The following PROSER2 variants were observed in gnomAD, a reference collection of about 807,000 sequenced individuals.
The protein encoded by PROSER2 is proline and serine-rich protein 2.
A neutral mutation model predicts 14.6 loss-of-function variants in PROSER2; 18 were observed. That is an observed-to-expected ratio of 1.23 (90% CI 0.85 to 1.83). The LOEUF (loss-of-function observed/expected upper bound fraction) is 1.83. PROSER2 is among the 40% of genes most tolerant of loss of function. The pLI is 0.00. For synonymous variants in PROSER2, 367 were observed against 286.4 expected, an observed-to-expected ratio of 1.28 and a Z score of -2.84; for missense variants, 823 against 629.8, an observed-to-expected ratio of 1.31 and a Z score of -3.28.
Position 11,837,333 on chromosome 10 carries a change from G to A in PROSER2, c.-82+13863G>A, listed in dbSNP as rs74116458. ...TTAGTTTTGCTGTCACACTTCATAC[G>A]TTCAAGTTATGACCACTGTGTGACA... On this transcript the variant is annotated intron_variant, in intron 1 of 3. Transcript: ENST00000277570. The surrounding 1 kb of genome is among the most constrained non-coding windows in gnomAD (Gnocchi z 4.6). Among the ~76,000 whole-genome samples, 2,226 of 152,294 alleles carry A rather than the reference G, an allele frequency of 0.015. 45 individuals carry two copies. Among genetic ancestry groups the A allele is most frequent in the African/African-American group, 0.051 (2,107 of 41,548 alleles).
chr10:11,870,169 C>T lies in PROSER2; in HGVS notation c.1071C>T (p.Ser357=). The change falls in exon 4 of 4, where the codon AGC becomes AGT. Residue 357 remains serine, a synonymous_variant. Transcript: ENST00000277570. ...ACGAGGCCCTGAAGAGCGCACCCAG[C>T]TCCTTCGCGCCCGCTGGGAAGTCCC... is the stretch of plus-strand genomic sequence containing the variant. ...SAHEALKSAP[S]SFAPAGKSLC... 8 of 1,477,102 alleles carry T rather than the reference C, an allele frequency of 5.4e-6. No homozygotes were observed. Among genetic ancestry groups the T allele is most frequent in the Non-Finnish European group, 7.1e-6 (8 of 1,121,088 alleles). The allele number at this position is 1,477,102 out of a possible 1,614,324, so 91.5% of individuals were successfully genotyped here. A position where few individuals can be genotyped will look rare whatever the true frequency, so the allele number is the denominator to read the frequency against.
intron 2 of PROSER2, among the ~76,000 whole-genome samples, chr10:11,859,655 C>T (rs773164625): frequency 3.3e-5 from 5 of 152,188 alleles, no homozygotes; most frequent in Non-Finnish European, 7.3e-5. Context: ...GCCTCCACTG[C>T]GGGCTCCAGC....
intron 2 of PROSER2, among the ~76,000 whole-genome samples, chr10:11,858,718 T>C (rs1415270619): frequency 6.6e-6 from 1 of 152,116 alleles, no homozygotes; most frequent in African/African-American, 2.4e-5. Flanking sequence ...TAGGATAGAA[T>C]GTGAGGGATG....
At chr10:11,827,164 G>A (rs1833626816) in intron 1 of PROSER2, among the ~76,000 whole-genome samples, 2 of 150,148 alleles carry the variant, frequency 1.3e-5, no homozygotes, top group African/African-American at 2.5e-5. Context: ...GGGATTACAG[G>A]CATGAGCCAC....
intron 1 of PROSER2, among the ~76,000 whole-genome samples, chr10:11,832,120 GA>G (rs1447099399): frequency 6.6e-6 from 1 of 152,182 alleles, no homozygotes; most frequent in Non-Finnish European, 1.5e-5. Context: ...AGGCATTTCA[GA>G]AGTAAGGGAA....
intron 1 of PROSER2, among the ~76,000 whole-genome samples, chr10:11,827,418 T>C (rs888129542): frequency 6.6e-6 from 1 of 152,180 alleles, no homozygotes; most frequent in Non-Finnish European, 1.5e-5. Context: ...TGTATAGGGC[T>C]CGGTTTGTAT....
At chr10:11,848,527 A>C (rs1379872549) in intron 1 of PROSER2, among the ~76,000 whole-genome samples, 1 of 152,080 alleles carries the variant, frequency 6.6e-6, no homozygotes, top group African/African-American at 2.4e-5. Flanking sequence ...AGTTAGCCTC[A>C]CTGCTTTCAG....
rs765065107 is a variant in PROSER2, at chr10:11,869,651, C to A, written c.553C>A (p.Pro185Thr). 1 of 1,601,888 alleles carries A rather than the reference C, an allele frequency of 6.2e-7. No homozygotes were observed. Among genetic ancestry groups the A allele is most frequent in the Non-Finnish European group, 8.5e-7 (1 of 1,174,450 alleles). Residue 185 changes from proline (P) to threonine (T), a missense_variant, in exon 4 of 4, where the codon CCC becomes ACC. Physicochemically the swap from Pro to Thr is conservative, Grantham distance 38. Coordinates refer to ENST00000277570, the MANE Select transcript of PROSER2 (RefSeq NM_153256.4). This position sits in a 1 kb window ranked among gnomAD's most constrained non-coding sequence, Gnocchi z 4.4. ...LRAPSPPVEHPRLLRSVPTPL... is the reference protein window; with the variant it reads ...LRAPSPPVEHTRLLRSVPTPL... ...CGCCCCCTCCCCGCCGGTGGAGCAC[C>A]CCAGACTCCTGCGCTCTGTTCCCAC...
At chr10:11,851,244 A>C (rs1315747053) in intron 1 of PROSER2, 1 of 152,252 alleles carries the variant, frequency 6.6e-6, no homozygotes, top group Non-Finnish European at 1.5e-5. Context: ...TTGGGGGGGC[A>C]GTCAGAGGAC....
rs1833775008 is a variant in PROSER2 at position 11,837,249 on chromosome 10, C to A, written c.-82+13779C>A. Among the ~76,000 whole-genome samples the A allele has an allele frequency of 6.6e-6, 1 of 152,182 alleles. No homozygotes were observed. Among genetic ancestry groups the A allele is most frequent in the South Asian group, 2.1e-4 (1 of 4,832 alleles). On this transcript the variant is annotated intron_variant, in intron 1 of 3. Transcript: ENST00000277570. The surrounding 1 kb of genome is among the most constrained non-coding windows in gnomAD (Gnocchi z 4.6). Reference sequence around the variant, plus strand: ...CAAATGCTGAGGTCGCTGAGACCTACTGTAAGAACAAATCATCTTCTGTCT... The same window carrying A: ...CAAATGCTGAGGTCGCTGAGACCTAATGTAAGAACAAATCATCTTCTGTCT...
intron 1 of PROSER2, among the ~76,000 whole-genome samples, chr10:11,846,425 C>G (rs1463735767): frequency 1.3e-5 from 2 of 152,206 alleles, no homozygotes; most frequent in Non-Finnish European, 2.9e-5. Flanking sequence ...TCTCTCTGTG[C>G]TACAATCTGG....
intron 1 of PROSER2, among the ~76,000 whole-genome samples, chr10:11,826,940 A>AG (rs1257066993): frequency 1.4e-5 from 2 of 139,302 alleles, no homozygotes; most frequent in African/African-American, 5.3e-5. Context: ...GCTGGAGTGC[A>AG]GTGGCACGAT....
chr10:11,868,207 C>T (rs1203322215), intron 3 of PROSER2, among the ~76,000 whole-genome samples: 4 of 152,202 alleles, frequency 2.6e-5, no homozygotes, highest in Non-Finnish European at 5.9e-5. Context: ...CGTAGTCATG[C>T]CAAGGAAAAC....
intron 1 of PROSER2, among the ~76,000 whole-genome samples, chr10:11,826,724 C>T (rs1025401100): frequency 2.0e-5 from 3 of 151,942 alleles, no homozygotes; most frequent in Admixed American, 6.6e-5. Context: ...ACCACAGATG[C>T]CGCCCACCAC....
chr10:11,857,756 A>AAG (rs1039458911), intron 2 of PROSER2, among the ~76,000 whole-genome samples: 1 of 150,998 alleles, frequency 6.6e-6, no homozygotes, highest in African/African-American at 2.4e-5. Flanking sequence ...AAAAAAAAAA[A>AAG]AAAAAAAAGA....
Position 11,837,908 on chromosome 10 carries a change from C to G in PROSER2, c.-81-14089C>G, listed in dbSNP as rs960041912. ...CTTCGGGGTTTTTCCTCTTCCTGTT[C>G]GTACACCCTTGCGGTCTTCGGACTT... On this transcript the variant is annotated intron_variant, in intron 1 of 3. Transcript: ENST00000277570. This position sits in a 1 kb window ranked among gnomAD's most constrained non-coding sequence, Gnocchi z 4.6. Among the ~76,000 whole-genome samples, 4 of 151,906 alleles carry G rather than the reference C, an allele frequency of 2.6e-5. No homozygotes were observed. The highest frequency in any genetic ancestry group is 7.3e-5 in the African/African-American group (3 of 41,310).
chr10:11,843,641 G>A (rs1389654573), intron 1 of PROSER2, among the ~76,000 whole-genome samples: 2 of 147,132 alleles, frequency 1.4e-5, no homozygotes, highest in Admixed American at 6.8e-5. Flanking sequence ...AGCCGAGATC[G>A]CACCACTGCC....
Position 11,870,108 on chromosome 10 carries a change from G to C in PROSER2, c.1010G>C (p.Arg337Pro), listed in dbSNP as rs1834447566. 7 of 1,323,434 alleles carry C rather than the reference G, an allele frequency of 5.3e-6. No individual in the cohort carries two copies. Among genetic ancestry groups the C allele is most frequent in the Non-Finnish European group, 6.7e-6 (7 of 1,039,454 alleles). 82.0% of individuals were successfully genotyped at this position (1,323,434 alleles called of 1,614,324 possible). Residue 337 changes from arginine (R) to proline (P), a missense_variant, in exon 4 of 4, where the codon CGG (arginine) becomes CCG (proline). Coordinates refer to ENST00000277570, the MANE Select transcript of PROSER2 (RefSeq NM_153256.4). ...ESLRAGGQAP[R>P]GPALANGFPS... ...CTCCGGGCAGGGGGTCAGGCTCCGCGGGGCCCGGCGCTGGCCAACGGCTTC... is the reference window on the plus strand; with the variant it reads ...CTCCGGGCAGGGGGTCAGGCTCCGCCGGGCCCGGCGCTGGCCAACGGCTTC...
Position 11,869,801 on chromosome 10 carries a change from A to C in PROSER2, c.703A>C (p.Ser235Arg). Residue 235 changes from serine to arginine, a missense_variant, in exon 4 of 4, where the codon AGT becomes CGT. Transcript: ENST00000277570. The surrounding 1 kb of genome is among the most constrained non-coding windows in gnomAD (Gnocchi z 4.4). Reference sequence around the variant, plus strand: ...GACACCTGCCGCCCGGGGGCCCCGCAGTGGAGACCCTGGCCCGGGGCCCAG... The same window carrying C: ...GACACCTGCCGCCCGGGGGCCCCGCCGTGGAGACCCTGGCCCGGGGCCCAG... ...WRTPAARGPR[S>R]GDPGPGPSHP... 6.4e-7 allele frequency: 1 copy of C among 1,557,240 alleles called. No individual in the cohort carries two copies. Among genetic ancestry groups the C allele is most frequent in the East Asian group, 2.3e-5 (1 of 42,574 alleles).
Sources: gnomAD v4.1 joint callset for allele counts (sites outside exome capture counted in the v4.1 genomes callset) on GRCh38, gnomAD v4.1.1 for gene constraint, Gnocchi (gnomAD v3.1) non-coding constraint, MANE v1.5 for transcripts, NCBI Gene and HGNC (gene_info 2026-07-23, HGNC 2026-07-21) for gene names.